Variants in GLT1D1 observed in about 807,000 individuals in gnomAD.
GLT1D1 encodes the protein glycosyltransferase 1 domain containing 1.
GLT1D1 carries 21 observed loss-of-function variants against 28.7 expected under a neutral mutation model. That is an observed-to-expected ratio of 0.73 (90% CI 0.52 to 1.05). GLT1D1 has a LOEUF of 1.05. Ranked by LOEUF, GLT1D1 falls within the 50% of genes least tolerant of loss-of-function variation. GLT1D1 has a pLI of 0.00. For missense variants in GLT1D1, 343 were observed against 330.6 expected (o/e 1.04, Z -0.29); for synonymous variants, 147 against 124.8 (o/e 1.18, Z -1.19).
chr12:128,931,057 A>G (rs934726086), intron 4 of GLT1D1, among the ~76,000 whole-genome samples: 1 of 151,300 alleles, frequency 6.6e-6, no homozygotes, highest in Admixed American at 6.6e-5. Context: ...GCTGGAGCGC[A>G]ATGGCGTGAT....
chr12:128,894,150 G>A (rs904056738), intron 3 of GLT1D1, among the ~76,000 whole-genome samples: 4 of 152,164 alleles, frequency 2.6e-5, no homozygotes, highest in African/African-American at 9.7e-5. Context: ...CGTCAGCACT[G>A]TATGGTGCTT....
intron 6 of GLT1D1, among the ~76,000 whole-genome samples, chr12:128,948,068 G>A (rs1159710106): frequency 2.0e-5 from 3 of 152,126 alleles, no homozygotes; most frequent in African/African-American, 4.8e-5. Flanking sequence ...GTGTTTTCAG[G>A]ACCGAGGCTG....
At chr12:128,936,666 C>T (rs1394316703) in intron 4 of GLT1D1, among the ~76,000 whole-genome samples, 1 of 152,086 alleles carries the variant, frequency 6.6e-6, no homozygotes, top group African/African-American at 2.4e-5. Flanking sequence ...GTGGGGTATG[C>T]ACATTTGGTT....
chr12:128,892,436 C>T (rs1422413980), intron 3 of GLT1D1, among the ~76,000 whole-genome samples: 2 of 152,082 alleles, frequency 1.3e-5, no homozygotes, highest in East Asian at 1.9e-4. Context: ...CTTTAGATTC[C>T]TGTAGTTGGT....
chr12:128,977,565 C>T (rs1281421275), intron 7 of GLT1D1, among the ~76,000 whole-genome samples: 1 of 152,064 alleles, frequency 6.6e-6, no homozygotes. Flanking sequence ...ATGCGGCAAC[C>T]AGCATAGGCC....
At chr12:128,921,883 C>A (rs1253879319) in intron 4 of GLT1D1, among the ~76,000 whole-genome samples, 1 of 152,026 alleles carries the variant, frequency 6.6e-6, no homozygotes, top group African/African-American at 2.4e-5. Context: ...TCTCTGGATG[C>A]CATCTTTGTA....
chr12:128,874,050 TC>T (rs1956773557), intron 1 of GLT1D1, among the ~76,000 whole-genome samples: 1 of 43,982 alleles, frequency 2.3e-5, no homozygotes, highest in Non-Finnish European at 3.8e-5. Flanking sequence ...CCTGCCTCCC[TC>T]CCTCCCTCCT....
At chr12:128,976,944 A>C (rs973435710) in intron 7 of GLT1D1, among the ~76,000 whole-genome samples, 1 of 152,208 alleles carries the variant, frequency 6.6e-6, no homozygotes, top group Non-Finnish European at 1.5e-5. Flanking sequence ...CCAGGAGTTC[A>C]AGACCAGCCT....
chr12:128,963,707 A>C (rs537506326), intron 7 of GLT1D1, among the ~76,000 whole-genome samples: 35 of 152,322 alleles, frequency 2.3e-4, no homozygotes, highest in Admixed American at 4.6e-4. Context: ...GCTGGCTCCT[A>C]TCACGCACAG....
intron 7 of GLT1D1, among the ~76,000 whole-genome samples, chr12:128,980,827 C>T (rs953803159): frequency 6.6e-6 from 1 of 152,152 alleles, no homozygotes; most frequent in Non-Finnish European, 1.5e-5. Flanking sequence ...TCATCGGGGG[C>T]GGGGTGGGGA....
At chr12:128,971,530 C>G (rs1204510741) in intron 7 of GLT1D1, among the ~76,000 whole-genome samples, 1 of 129,400 alleles carries the variant, frequency 7.7e-6, no homozygotes, top group Non-Finnish European at 1.6e-5. Context: ...CCTTCTGTCC[C>G]TTTCTCTCTC....
At chr12:128,966,857 T>A (rs1878508010) in intron 7 of GLT1D1, among the ~76,000 whole-genome samples, 1 of 152,172 alleles carries the variant, frequency 6.6e-6, no homozygotes, top group African/African-American at 2.4e-5. Context: ...AATCTCTATT[T>A]CTATATACCT....
At chr12:128,922,747 A>C (rs1872768386) in intron 4 of GLT1D1, among the ~76,000 whole-genome samples, 1 of 151,772 alleles carries the variant, frequency 6.6e-6, no homozygotes, top group Admixed American at 6.6e-5. Flanking sequence ...ACATGGTGAA[A>C]CCTCATCTGT....
At chr12:128,887,549 T>C (rs968222296) in intron 2 of GLT1D1, among the ~76,000 whole-genome samples, 2 of 151,574 alleles carry the variant, frequency 1.3e-5, no homozygotes, top group East Asian at 3.9e-4. Flanking sequence ...AGAGTTGGTC[T>C]TCACCAATGC....
chr12:128,853,557 C>A lies in GLT1D1; in HGVS notation c.-25C>A. The A allele has an allele frequency of 9.3e-7, 1 of 1,070,552 alleles. No individual in the cohort carries two copies. The highest frequency in any genetic ancestry group is 1.1e-6 in the Non-Finnish European group (1 of 887,448). 66.3% of individuals were successfully genotyped at this position (1,070,552 alleles called of 1,614,324 possible). A position where few individuals can be genotyped will look rare whatever the true frequency, so the allele number is the denominator to read the frequency against. ...CCTGGTCGGCGGCGGCGGGGCCGGTCGATGGCCCGGGCGGCGGCGGCGGCA... is the reference window on the plus strand; with the variant it reads ...CCTGGTCGGCGGCGGCGGGGCCGGTAGATGGCCCGGGCGGCGGCGGCGGCA... On this transcript the variant is annotated 5_prime_UTR_variant, in exon 1 of 8. Coordinates refer to ENST00000281703, the MANE Select transcript of GLT1D1 (RefSeq NM_144669.3).
At chr12:128,905,532 G>T (rs933191707) in intron 4 of GLT1D1, among the ~76,000 whole-genome samples, 1 of 152,210 alleles carries the variant, frequency 6.6e-6, no homozygotes, top group Admixed American at 6.5e-5. Context: ...GTTTATGATC[G>T]CCTACCTATC....
Position 128,938,853 on chromosome 12 carries a change from G to A in GLT1D1, c.376-6473G>A, listed in dbSNP as rs1874828817. On this transcript the variant is annotated intron_variant, in intron 4 of 7. Coordinates refer to ENST00000281703, the MANE Select transcript of GLT1D1 (RefSeq NM_144669.3). The stretch of plus-strand genomic sequence containing the variant: ...TGCATATATTTAGGAATTTTTTTCA[G>A]TATTTTAAAATTCTATTCATTGTCG... 2.6e-5 allele frequency among the ~76,000 whole-genome samples: 4 copies of A among 152,130 alleles called. No homozygotes were observed. The South Asian group carries it at 8.3e-4, about 32-fold the overall frequency.
chr12:128,950,486 A>G (rs1247737751), intron 6 of GLT1D1, among the ~76,000 whole-genome samples: 3 of 152,328 alleles, frequency 2.0e-5, no homozygotes, highest in East Asian at 3.9e-4. Context: ...GACGCTTAGT[A>G]AAAACCATTA....
intron 4 of GLT1D1, among the ~76,000 whole-genome samples, chr12:128,924,731 C>T (rs1593139164): frequency 6.6e-6 from 1 of 152,114 alleles, no homozygotes; most frequent in African/African-American, 2.4e-5. Flanking sequence ...CAAAAAGCCT[C>T]ATTCTTAAGA....
Sources: gnomAD v4.1 joint callset for allele counts (sites outside exome capture counted in the v4.1 genomes callset) on GRCh38, gnomAD v4.1.1 for gene constraint, MANE v1.5 for transcripts, NCBI Gene and HGNC (gene_info 2026-07-23, HGNC 2026-07-21) for gene names.